Variants in AFAP1L2 observed in about 807,000 individuals in gnomAD.
AFAP1L2 encodes the protein actin filament-associated protein 1-like 2.
A neutral mutation model predicts 99.3 loss-of-function variants in AFAP1L2; 46 were observed. The observed-to-expected ratio is 0.46, with a 90% CI of 0.37 to 0.59. AFAP1L2 has a LOEUF of 0.59. Among genes scored for constraint, AFAP1L2 ranks in the 20% least tolerant of loss-of-function variants. The probability of loss-of-function intolerance (pLI) is 0.00; values close to 1 mark genes in which losing one functional copy is unlikely to be tolerated. For synonymous variants in AFAP1L2, 397 were observed against 419.1 expected, an observed-to-expected ratio of 0.95 and a Z score of 0.64; for missense variants, 959 against 1,034.9, an observed-to-expected ratio of 0.93 and a Z score of 1.01.
intron 2 of AFAP1L2, 122 bp downstream of exon 2, chr10:114,340,481 G>A: frequency 7.4e-7 from 1 of 1,345,782 alleles, no homozygotes; most frequent in East Asian, 2.3e-5. Flanking sequence ...CTCCAGAAGT[G>A]TGAGAAAATA....
intron 1 of AFAP1L2, among the ~76,000 whole-genome samples, chr10:114,403,830 C>T (rs1403865486): frequency 1.3e-5 from 2 of 152,206 alleles, no homozygotes; most frequent in African/African-American, 4.8e-5. Context: ...CCGGGCACTC[C>T]ATTCGGCCCC....
chr10:114,343,312 A>T (rs930837775), intron 1 of AFAP1L2, among the ~76,000 whole-genome samples: 15 of 152,232 alleles, frequency 9.9e-5, no homozygotes, highest in African/African-American at 3.6e-4. Context: ...CACCATCCAG[A>T]ACCCTTGGCA....
At chr10:114,301,676 C>T in intron 12 of AFAP1L2, 1 of 572,244 alleles carries the variant, frequency 1.7e-6, no homozygotes, top group Non-Finnish European at 3.1e-6. Flanking sequence ...CGAGATTTTC[C>T]TCCCAGAAAG....
At chr10:114,338,575 G>A (rs1467740784) in intron 2 of AFAP1L2, among the ~76,000 whole-genome samples, 5 of 152,202 alleles carry the variant, frequency 3.3e-5, no homozygotes, top group Admixed American at 6.5e-5. Flanking sequence ...AGATTGTGAT[G>A]TATTCACAGA....
In AFAP1L2 at chr10:114,295,165, A is replaced by G. The variant is rs1159714113; in HGVS notation, c.*877T>C. Reference sequence around the variant, plus strand: ...TGAACATTAAACAGAACTTAAAATCAGAGACTATTTATATTAAATAACTCT... The same window carrying G: ...TGAACATTAAACAGAACTTAAAATCGGAGACTATTTATATTAAATAACTCT... On this transcript the variant is annotated 3_prime_UTR_variant, in exon 19 of 19. Transcript: ENST00000304129. The G allele has an allele frequency of 1.0e-6, 1 of 985,652 alleles. No homozygotes were observed. Among genetic ancestry groups the G allele is most frequent in the African/African-American group, 1.7e-5 (1 of 57,242 alleles). 61.1% of individuals were successfully genotyped at this position (985,652 alleles called of 1,614,324 possible). A position where few individuals can be genotyped will look rare whatever the true frequency, so the allele number is the denominator to read the frequency against.
intron 5 of AFAP1L2, chr10:114,319,752 A>G: frequency 5.5e-6 from 4 of 722,320 alleles, no homozygotes; most frequent in African/African-American, 1.8e-5. Flanking sequence ...AGATGTGGCA[A>G]CTCGGCTGCC....
At chr10:114,355,502 T>A (rs7070925) in intron 1 of AFAP1L2, among the ~76,000 whole-genome samples, 14,702 of 151,868 alleles carry the variant, frequency 0.097, 1,861 homozygotes, top group African/African-American at 0.29. Flanking sequence ...GCATAGTCTT[T>A]TAGGTGGGCT....
At chr10:114,341,619 AAAAAGAAAAG>A (rs995386179) in intron 1 of AFAP1L2, among the ~76,000 whole-genome samples, 1 of 150,844 alleles carries the variant, frequency 6.6e-6, no homozygotes, top group African/African-American at 2.4e-5. Context: ...CTCAAAAAAA[AAAAAGAAAAG>A]AAAAGAAAAG....
Position 114,298,374 on chromosome 10 carries a change from T to C in AFAP1L2, c.2113+886A>G, listed in dbSNP as rs114994017. Among the ~76,000 whole-genome samples the C allele has an allele frequency of 3.7e-3, 566 of 152,162 alleles. 3 individuals carry two copies. Among genetic ancestry groups the C allele is most frequent in the African/African-American group, 0.012 (518 of 41,516 alleles). On this transcript the variant is annotated intron_variant, in intron 16 of 18. Transcript: ENST00000304129. ...GCCTGGGCAACAGAGCAAGACTGTC[T>C]CAAAAAAAGAAAGCCAGTGGGTGAC...
At chr10:114,332,735 C>A (rs1346111372) in intron 3 of AFAP1L2, among the ~76,000 whole-genome samples, 1 of 152,232 alleles carries the variant, frequency 6.6e-6, no homozygotes, top group Admixed American at 6.5e-5. Flanking sequence ...GAGTGAGGCA[C>A]CATGGAAGAA....
At chr10:114,325,973 C>T (rs2046216667) in intron 4 of AFAP1L2, 1 of 1,289,196 alleles carries the variant, frequency 7.8e-7, no homozygotes, top group Non-Finnish European at 1.0e-6. Context: ...AAACTCCGTT[C>T]CCGTCAGGTG....
chr10:114,397,373 C>T (rs1245495208), intron 1 of AFAP1L2, among the ~76,000 whole-genome samples: 1 of 152,184 alleles, frequency 6.6e-6, no homozygotes, highest in African/African-American at 2.4e-5. Flanking sequence ...TCTTGAATAG[C>T]AGTATGCTTC....
chr10:114,295,887 A>C lies in AFAP1L2; in HGVS notation c.*155T>G. ...TTCCTTTGGCTCTGAAAAGGGACAG[A>C]GCCTCCTCTTAGCTGAAGCTCTCCA... On this transcript the variant is annotated 3_prime_UTR_variant, in exon 19 of 19. Coordinates refer to ENST00000304129, the MANE Select transcript of AFAP1L2 (RefSeq NM_001001936.3). 6.6e-7 allele frequency: 1 copy of C among 1,523,808 alleles called. No individual in the cohort carries two copies. The highest frequency in any genetic ancestry group is 1.3e-5 in the South Asian group (1 of 74,352). The allele number at this position is 1,523,808 out of a possible 1,614,324, so 94.4% of individuals were successfully genotyped here.
chr10:114,307,721 T>G, intron 10 of AFAP1L2, 84 bp downstream of exon 10: 1 of 1,163,324 alleles, frequency 8.6e-7, no homozygotes, highest in East Asian at 2.4e-5. Flanking sequence ...TAAAACCCCC[T>G]GCCTTCGCTG....
intron 11 of AFAP1L2, among the ~76,000 whole-genome samples, chr10:114,303,376 T>C (rs1318665791): frequency 6.6e-5 from 10 of 152,178 alleles, no homozygotes; most frequent in Non-Finnish European, 1.5e-5. Flanking sequence ...GGTGGGATCT[T>C]GGCTCACTGT....
intron 1 of AFAP1L2, among the ~76,000 whole-genome samples, chr10:114,392,503 C>T (rs2057271308): frequency 6.6e-6 from 1 of 152,268 alleles, no homozygotes; most frequent in Non-Finnish European, 1.5e-5. Flanking sequence ...TTAGGACTTT[C>T]CCTCCTTCAC....
chr10:114,285,310 A>G, the AFAP1L2 span, among the ~76,000 whole-genome samples: 3 of 152,174 alleles, frequency 2.0e-5, no homozygotes, highest in Non-Finnish European at 2.9e-5. Flanking sequence ...TCTCTATTCT[A>G]TGAAAGCAGA....
chr10:114,321,910 A>G (rs894170685), intron 5 of AFAP1L2, among the ~76,000 whole-genome samples: 1 of 152,210 alleles, frequency 6.6e-6, no homozygotes, highest in East Asian at 1.9e-4. Flanking sequence ...TAAGTGATAT[A>G]GTTTGGCTGT....
At chr10:114,290,324 G>A, downstream of AFAP1L2, 1 of 1,550,616 alleles carries the variant, frequency 6.4e-7, no homozygotes, top group Non-Finnish European at 8.7e-7. Flanking sequence ...AGCTACCGCT[G>A]CAAGTGTCGG....
Sources: gnomAD v4.1 joint callset for allele counts (sites outside exome capture counted in the v4.1 genomes callset) on GRCh38, gnomAD v4.1.1 for gene constraint, MANE v1.5 for transcripts, NCBI Gene and HGNC (gene_info 2026-07-23, HGNC 2026-07-21) for gene names.